The following INTS6 variants were observed in gnomAD, a reference collection of about 807,000 sequenced individuals.
INTS6 encodes integrator complex subunit 6.
Under a neutral mutation model 104.9 loss-of-function variants are expected in INTS6, and 16 were observed. The ratio of observed to expected loss-of-function variants is 0.15; its 90% CI spans 0.10 to 0.23. INTS6 has a LOEUF of 0.23. Ranked by LOEUF, INTS6 falls within the 10% of genes least tolerant of loss-of-function variation. INTS6 has a pLI of 1.00. For synonymous variants in INTS6, 324 were observed against 358.7 expected (o/e 0.90, Z 1.09); for missense variants, 584 against 1,062.8 (o/e 0.55, Z 6.26).
chr13:51,445,099 C>T (rs1952882575), intron 3 of INTS6: 1 of 152,140 alleles, frequency 6.6e-6, no homozygotes, highest in African/African-American at 2.4e-5. Flanking sequence ...TAAATCTCAT[C>T]TAAAACGCAC....
At chr13:51,432,023 T>C (rs1957100830) in intron 3 of INTS6, among the ~76,000 whole-genome samples, 1 of 152,114 alleles carries the variant, frequency 6.6e-6, no homozygotes. Context: ...TTCCCAACTC[T>C]TAGCTTTGAT....
chr13:51,448,220 TCAGCATTATTTG>T (rs1438779483), intron 3 of INTS6: 3 of 152,184 alleles, frequency 2.0e-5, no homozygotes, highest in African/African-American at 7.2e-5. Flanking sequence ...TCTCAAAGGA[TCAGCATTATTTG>T]AAACTCTGTT....
rs557978867 is a variant in INTS6, at chr13:51,375,730, AGTGGGTGTGTGT to A, written c.1729+306_1729+317del. On this transcript the variant is annotated intron_variant, in intron 13 of 17. Coordinates refer to ENST00000311234, the MANE Select transcript of INTS6 (RefSeq NM_012141.3). ...CTTATTTTAAGTATACAGTTTGATAAGTGGGTGTGTGTGTGTGTGTGTGTGTGTGTGTGTGTG... is the reference window on the plus strand; with the variant it reads ...CTTATTTTAAGTATACAGTTTGATAAGTGTGTGTGTGTGTGTGTGTGTGTG... Among the ~76,000 whole-genome samples the A allele has an allele frequency of 6.9e-3, 877 of 126,872 alleles. 4 individuals carry two copies. Among genetic ancestry groups the A allele is most frequent in the Middle Eastern group, 0.015 (4 of 262 alleles). The allele number at this position is 126,872 out of a possible 152,430, so 83.2% of individuals were successfully genotyped here.
At chr13:51,344,592 C>T in the INTS6 span, 3 of 833,086 alleles carry the variant, frequency 3.6e-6, no homozygotes, top group Non-Finnish European at 3.9e-6. Context: ...CCTTCAATTA[C>T]AGCAGAAGTC....
intron 4 of INTS6, among the ~76,000 whole-genome samples, chr13:51,414,822 T>TA: frequency 7.2e-6 from 1 of 138,370 alleles, no homozygotes; most frequent in East Asian, 2.1e-4. Flanking sequence ...TGTATGTATG[T>TA]AGTTCTTCTA....
intron 4 of INTS6, among the ~76,000 whole-genome samples, chr13:51,406,488 C>T (rs1439114839): frequency 6.6e-6 from 1 of 152,136 alleles, no homozygotes; most frequent in Non-Finnish European, 1.5e-5. Flanking sequence ...CCCCCAACTG[C>T]ATTATATGTC....
At position 51,395,400 on chromosome 13, in the gene INTS6, T is replaced by C; in HGVS notation, c.513A>G (p.Leu171=). Reference sequence around the variant, plus strand: ...ACATGGTGCCAGGCAACCGCAACACTAATGCAAAGAGTCTCTGATCCCAAC... The same window carrying C: ...ACATGGTGCCAGGCAACCGCAACACCAATGCAAAGAGTCTCTGATCCCAAC... ...PFRWDQRLFA[L]VLRLPGTMSV... Residue 171 remains leucine (L), a synonymous_variant, in exon 5 of 18, where the codon TTA becomes TTG. Transcript: ENST00000311234. 6.2e-7 allele frequency: 1 copy of C among 1,613,932 alleles called. No individual in the cohort carries two copies. Among genetic ancestry groups the C allele is most frequent in the Non-Finnish European group, 8.5e-7 (1 of 1,179,894 alleles).
At chr13:51,387,585 G>A (rs1016553694) in intron 6 of INTS6, 45 bp from the exon 7 acceptor site, 2 of 1,431,762 alleles carry the variant, frequency 1.4e-6, no homozygotes, top group Non-Finnish European at 9.4e-7. Context: ...ATCATAAGGG[G>A]GGATAAGCAT....
At chr13:51,389,862 T>A (rs1956213402) in intron 5 of INTS6, among the ~76,000 whole-genome samples, 1 of 152,272 alleles carries the variant, frequency 6.6e-6, no homozygotes, top group Non-Finnish European at 1.5e-5. Flanking sequence ...AAAATCTTAT[T>A]CCTGCTTAAC....
the INTS6 span, chr13:51,348,430 C>T: frequency 3.7e-6 from 6 of 1,602,072 alleles, no homozygotes; most frequent in Non-Finnish European, 5.1e-6. Flanking sequence ...CTGAGTCCCC[C>T]TCACAGGTGC....
At position 51,363,999 on chromosome 13, in the gene INTS6, C is replaced by T. The variant is rs1955635720; in HGVS notation, c.*1753G>A. On this transcript the variant is annotated 3_prime_UTR_variant, in exon 18 of 18. Coordinates refer to ENST00000311234, the MANE Select transcript of INTS6 (RefSeq NM_012141.3). ...GTATGAATTTTTATCTGAATGACTT[C>T]TAATTCCTCCTAGTAATTCCAGAAT... is the stretch of plus-strand genomic sequence containing the variant. 1 of 297,552 alleles carries T rather than the reference C, an allele frequency of 3.4e-6. No individual in the cohort carries two copies. The highest frequency in any genetic ancestry group is 1.5e-4 in the South Asian group (1 of 6,810). The allele number at this position is 297,552 out of a possible 1,614,324, so 18.4% of individuals were successfully genotyped here.
chr13:51,424,652 G>T (rs1313832582), intron 4 of INTS6, among the ~76,000 whole-genome samples: 1 of 151,950 alleles, frequency 6.6e-6, no homozygotes, highest in Non-Finnish European at 1.5e-5. Flanking sequence ...TGAATTGACA[G>T]AGACTAACAT....
the INTS6 span, among the ~76,000 whole-genome samples, chr13:51,334,686 A>G: frequency 2.0e-5 from 3 of 152,182 alleles, no homozygotes; most frequent in Non-Finnish European, 2.9e-5. Flanking sequence ...CTATTATATA[A>G]TAAGACATCT....
rs1956157130 is a variant in INTS6, at chr13:51,387,239, T to G, written c.894+147A>C. 5 of 590,458 alleles carry G rather than the reference T, an allele frequency of 8.5e-6. No individual in the cohort carries two copies. The Admixed American group carries it at 1.5e-4, about 17-fold the overall frequency. The allele number at this position is 590,458 out of a possible 1,614,324, so 36.6% of individuals were successfully genotyped here. On this transcript the variant is annotated intron_variant, in intron 7 of 17. Transcript: ENST00000311234. ...ACAGGGTTATCATAGCAAAGCAACA[T>G]AATAAAGCAAGTAACAGGGTATCAT...
chr13:51,344,640 G>T, the INTS6 span, among the ~76,000 whole-genome samples: 1 of 152,114 alleles, frequency 6.6e-6, no homozygotes, highest in African/African-American at 2.4e-5. Context: ...ATGACAAGGG[G>T]ACACTAAGTC....
chr13:51,355,223 T>TTCCACAGAGCCTTCAGTGGTAACCAA, intron 3 of INTS6: 1 of 684,048 alleles, frequency 1.5e-6, no homozygotes, highest in Admixed American at 2.7e-5. Flanking sequence ...GGATTCTCAT[T>TTCCACAGAGCCTTCAGTGGTAACCAA]TCAGAGTCAA....
intron 5 of INTS6, among the ~76,000 whole-genome samples, chr13:51,394,436 A>C (rs1227283538): frequency 6.6e-6 from 1 of 152,222 alleles, no homozygotes; most frequent in African/African-American, 2.4e-5. Flanking sequence ...TATTAATTAG[A>C]ACTTACATTT....
chr13:51,379,995 T>C (rs1425152871), intron 10 of INTS6, among the ~76,000 whole-genome samples: 1 of 152,100 alleles, frequency 6.6e-6, no homozygotes, highest in East Asian at 1.9e-4. Context: ...CTAGATCAGA[T>C]TATAAATAAG....
chr13:51,357,874 C>G (rs1593647688), downstream of INTS6, among the ~76,000 whole-genome samples: 1 of 152,104 alleles, frequency 6.6e-6, no homozygotes, highest in African/African-American at 2.4e-5. Context: ...CTGTCTTGTT[C>G]TTGGCTTTTA....
Sources: allele counts gnomAD v4.1 joint callset (sites outside exome capture counted in the v4.1 genomes callset), GRCh38; gene constraint gnomAD v4.1.1; transcripts MANE v1.5; gene names NCBI Gene and HGNC (gene_info 2026-07-23, HGNC 2026-07-21).